The following TNRC6C variants were observed in gnomAD, a reference collection of about 807,000 sequenced individuals.
TNRC6C encodes trinucleotide repeat-containing gene 6C protein.
TNRC6C carries 20 observed loss-of-function variants against 153.7 expected under a neutral mutation model. The observed-to-expected ratio is 0.13, with a 90% CI of 0.09 to 0.19. TNRC6C has a LOEUF of 0.19. Among genes scored for constraint, TNRC6C ranks in the 10% least tolerant of loss-of-function variants. The probability of loss-of-function intolerance (pLI) is 1.00; values close to 1 mark genes in which losing one functional copy is unlikely to be tolerated. For missense variants in TNRC6C, 1,987 were observed against 2,172.0 expected, an observed-to-expected ratio of 0.91 and a Z score of 1.69; for synonymous variants, 811 against 841.4, an observed-to-expected ratio of 0.96 and a Z score of 0.63.
intron 1 of TNRC6C, among the ~76,000 whole-genome samples, chr17:77,988,364 G>A (rs2071202230): frequency 6.6e-6 from 1 of 151,690 alleles, no homozygotes; most frequent in South Asian, 2.1e-4. Flanking sequence ...AGAGTGAGAC[G>A]CTATCTCTTT....
chr17:77,992,016 C>G (rs1014120464), intron 1 of TNRC6C, among the ~76,000 whole-genome samples: 2 of 152,110 alleles, frequency 1.3e-5, no homozygotes, highest in Non-Finnish European at 2.9e-5. Flanking sequence ...TCAACAAGAT[C>G]GATTTGAGGA....
upstream of TNRC6C, among the ~76,000 whole-genome samples, chr17:78,004,446 T>A (rs1453015874): frequency 6.6e-6 from 1 of 152,222 alleles, no homozygotes; most frequent in Admixed American, 6.5e-5. Flanking sequence ...CAGCCGTAAA[T>A]GTCTAACTTG....
chr17:77,981,181 G>C (rs1050542081), intron 1 of TNRC6C, among the ~76,000 whole-genome samples: 7 of 152,180 alleles, frequency 4.6e-5, no homozygotes, highest in African/African-American at 1.4e-4. Flanking sequence ...GGGTCCCACT[G>C]TGTTGGCCAA....
intron 17 of TNRC6C, among the ~76,000 whole-genome samples, chr17:78,099,129 A>C (rs771864010): frequency 8.5e-5 from 13 of 152,302 alleles, no homozygotes; most frequent in Non-Finnish European, 1.6e-4. Flanking sequence ...GTGGGCAACA[A>C]AGTGAGACCC....
At chr17:78,059,859 A>G (rs9909649) in intron 3 of TNRC6C, among the ~76,000 whole-genome samples, 1 of 151,824 alleles carries the variant, frequency 6.6e-6, no homozygotes, top group Non-Finnish European at 1.5e-5. Flanking sequence ...AAAAAAAAAA[A>G]AAAAGAAAAA....
chr17:78,064,840 C>G (rs1422162200), exon 4 of TNRC6C: 1 of 1,613,454 alleles, frequency 6.2e-7, no homozygotes, highest in Non-Finnish European at 8.5e-7. Flanking sequence ...GGAAGCCACC[C>G]AGCAGTGGCA....
intron 10 of TNRC6C, 53 bp from the exon 13 acceptor site, chr17:78,082,994 G>A (rs559765561): frequency 8.1e-5 from 129 of 1,595,198 alleles, no homozygotes; most frequent in Middle Eastern, 3.3e-4. Flanking sequence ...ACAGGTACAA[G>A]TAACTATTTT....
chr17:77,996,298 G>A (rs1422334325), intron 1 of TNRC6C, among the ~76,000 whole-genome samples: 2 of 152,096 alleles, frequency 1.3e-5, no homozygotes, highest in Admixed American at 1.3e-4. Flanking sequence ...ACAGTGGGAA[G>A]CAACTGTACA....
intron 1 of TNRC6C, among the ~76,000 whole-genome samples, chr17:77,977,891 C>CT (rs528315933): frequency 0.054 from 6,191 of 114,188 alleles, 374 homozygotes; most frequent in African/African-American, 0.098. Context: ...TTTAAAACCT[C>CT]TTTTTTTTTT....
intron 17 of TNRC6C, among the ~76,000 whole-genome samples, chr17:78,100,994 T>C (rs1341883331): frequency 6.6e-6 from 1 of 152,104 alleles, no homozygotes; most frequent in Non-Finnish European, 1.5e-5. Flanking sequence ...CAGGCTGGTC[T>C]CAAACTCCTG....
In TNRC6C at chr17:77,984,844, A is replaced by G. The variant is rs79565934; in HGVS notation, c.-37-19326A>G. On this transcript the variant is annotated intron_variant, in intron 1 of 22. Coordinates refer to the TNRC6C transcript ENST00000636222. ...CTCTTATACGCACACACACACACAC[A>G]CACTCTTTTAGCTTGGAGCTATTAT... 3.3e-3 allele frequency among the ~76,000 whole-genome samples: 503 copies of G among 152,242 alleles called. 1 individual carries two copies. The highest frequency in any genetic ancestry group is 5.8e-3 in the Non-Finnish European group (394 of 68,026).
In TNRC6C at chr17:78,079,709, T is replaced by C. The variant is rs189456642; in HGVS notation, c.3357+168T>C. Among the ~76,000 whole-genome samples the C allele has an allele frequency of 2.0e-5, 3 of 152,160 alleles. No homozygotes were observed. The highest frequency in any genetic ancestry group is 1.5e-5 in the Non-Finnish European group (1 of 68,030). On this transcript the variant is annotated intron_variant, in intron 10 of 19. Transcript: ENST00000301624. The surrounding 1 kb of genome is among the most constrained non-coding windows in gnomAD (Gnocchi z 4.3). ...TATAAATTAATTTTAGACTATAAAG[T>C]AGTAAATGGATTCTCCTGACCCAGG...
intron 5 of TNRC6C, among the ~76,000 whole-genome samples, chr17:78,069,341 C>T (rs2072945050): frequency 6.6e-6 from 1 of 152,140 alleles, no homozygotes; most frequent in Non-Finnish European, 1.5e-5. Context: ...CCAGACAGCA[C>T]TCAGAGACAC....
intron 1 of TNRC6C, among the ~76,000 whole-genome samples, chr17:77,980,226 C>CAA (rs1388878129): frequency 6.6e-6 from 1 of 152,212 alleles, no homozygotes; most frequent in Non-Finnish European, 1.5e-5. Flanking sequence ...CACCATGGCA[C>CAA]ACGTTTACCT....
chr17:77,985,200 T>C (rs1157263909), intron 1 of TNRC6C, among the ~76,000 whole-genome samples: 1 of 152,186 alleles, frequency 6.6e-6, no homozygotes, highest in Non-Finnish European at 1.5e-5. Flanking sequence ...GTTCTTTTGG[T>C]TATAGGACTG....
chr17:78,089,756 A>C (rs1433192996), intron 13 of TNRC6C, among the ~76,000 whole-genome samples: 1 of 152,234 alleles, frequency 6.6e-6, no homozygotes, highest in Admixed American at 6.5e-5. Context: ...AAGAAAAATC[A>C]GAGAGTAGGA....
chr17:78,078,008 G>A (rs560930595), intron 9 of TNRC6C, among the ~76,000 whole-genome samples: 15 of 152,222 alleles, frequency 9.9e-5, no homozygotes, highest in African/African-American at 3.1e-4. Flanking sequence ...TAGGGATGAG[G>A]TTGACACACA....
intron 2 of TNRC6C, among the ~76,000 whole-genome samples, chr17:78,048,324 C>A (rs1193817495): frequency 3.3e-5 from 5 of 152,130 alleles, no homozygotes; most frequent in African/African-American, 1.2e-4. Context: ...TCACCACTTC[C>A]CCCACCCCAA....
At chr17:77,971,552 CACCCCTGTTCTTGCCCCAAAATA>C (rs1673142677) in intron 1 of TNRC6C, among the ~76,000 whole-genome samples, 1 of 152,130 alleles carries the variant, frequency 6.6e-6, no homozygotes, top group African/African-American at 2.4e-5. Context: ...TCCAGAACTG[CACCCCTGTTCTTGCCCCAAAATA>C]ACCTCAGGAG....
Sources: allele counts gnomAD v4.1 joint callset (sites outside exome capture counted in the v4.1 genomes callset), GRCh38; gene constraint gnomAD v4.1.1; non-coding constraint Gnocchi (gnomAD v3.1); transcripts MANE v1.5; gene names NCBI Gene and HGNC (gene_info 2026-07-23, HGNC 2026-07-21).